SCARA3: variants seen among roughly 807,000 people sequenced by gnomAD.
SCARA3 encodes the protein scavenger receptor class A member 3.
Under a neutral mutation model 47.0 loss-of-function variants are expected in SCARA3, and 39 were observed. That is an observed-to-expected ratio of 0.83 (90% CI 0.64 to 1.08). SCARA3 has a LOEUF of 1.08. SCARA3 is among the 50% of genes least tolerant of loss of function. The pLI is 0.00. For missense variants in SCARA3, 724 were observed against 792.3 expected, an observed-to-expected ratio of 0.91 and a Z score of 1.04; for synonymous variants, 356 against 334.1, an observed-to-expected ratio of 1.07 and a Z score of -0.71.
chr8:27,718,454 A>G, the SCARA3 span, among the ~76,000 whole-genome samples: 111 of 152,346 alleles, frequency 7.3e-4, 5 homozygotes, highest in East Asian at 0.017. Flanking sequence ...ATGGGTTTCA[A>G]ATGAATTTGG....
chr8:27,671,512 G>A lies in SCARA3; in HGVS notation c.*161G>A. 2 of 1,288,568 alleles carry A rather than the reference G, an allele frequency of 1.6e-6. No individual in the cohort carries two copies. The highest frequency in any genetic ancestry group is 2.0e-6 in the Non-Finnish European group (2 of 1,023,318). The allele number at this position is 1,288,568 out of a possible 1,614,324, so 79.8% of individuals were successfully genotyped here. A position where few individuals can be genotyped will look rare whatever the true frequency, so the allele number is the denominator to read the frequency against. On this transcript the variant is annotated 3_prime_UTR_variant, in exon 6 of 6. Transcript: ENST00000301904. ...AGCTTTGGGCTCCCCCATAGTGACT[G>A]TGCCATAGGAAAGCAGCCCCTCCTC...
Position 27,659,520 on chromosome 8 carries a change from C to G in SCARA3, c.1350C>G (p.Arg450=). Reference sequence around the variant, plus strand: ...ACACACAGCATGGAGAAATCCTTCGCAATGTCACCATCCTACGAGGTAAGA... The same window carrying G: ...ACACACAGCATGGAGAAATCCTTCGGAATGTCACCATCCTACGAGGTAAGA... ...AVDTQHGEIL[R]NVTILRGAPG... The change falls in exon 5 of 6, where the codon CGC becomes CGG. Residue 450 remains arginine, a synonymous_variant. Coordinates refer to ENST00000301904, the MANE Select transcript of SCARA3 (RefSeq NM_016240.3). The G allele has an allele frequency of 3.1e-6, 5 of 1,609,424 alleles. No homozygotes were observed. Among genetic ancestry groups the G allele is most frequent in the Non-Finnish European group, 4.2e-6 (5 of 1,176,934 alleles).
At chr8:27,710,367 G>A in the SCARA3 span, among the ~76,000 whole-genome samples, 3 of 151,864 alleles carry the variant, frequency 2.0e-5, no homozygotes, top group African/African-American at 7.3e-5. Context: ...CAACAATATT[G>A]CCATACATTC....
intron 5 of SCARA3, among the ~76,000 whole-genome samples, chr8:27,670,158 C>T (rs1256953896): frequency 1.3e-5 from 2 of 152,158 alleles, no homozygotes; most frequent in African/African-American, 4.8e-5. Context: ...TGGTGAATCA[C>T]CCCCTTCAAG....
At chr8:27,690,726 C>T in the SCARA3 span, among the ~76,000 whole-genome samples, 9 of 152,138 alleles carry the variant, frequency 5.9e-5, no homozygotes, top group South Asian at 4.1e-4. Context: ...GACAGGGTCT[C>T]GTTCTGTCAC....
intron 5 of SCARA3, among the ~76,000 whole-genome samples, chr8:27,669,921 C>A: frequency 6.6e-6 from 1 of 152,148 alleles, no homozygotes; most frequent in East Asian, 1.9e-4. Context: ...TCCCAGCATG[C>A]AGAATCCCTT....
At chr8:27,638,922 G>A (rs1047079745) in intron 1 of SCARA3, among the ~76,000 whole-genome samples, 2 of 152,132 alleles carry the variant, frequency 1.3e-5, no homozygotes, top group Non-Finnish European at 2.9e-5. Context: ...CCACAGACAG[G>A]CTCCTGGTTC....
At position 27,671,748 on chromosome 8, in the gene SCARA3, G is replaced by T. The variant is rs1802171045; in HGVS notation, c.*397G>T. 9 of 1,013,706 alleles carry T rather than the reference G, an allele frequency of 8.9e-6. No individual in the cohort carries two copies. Among genetic ancestry groups the T allele is most frequent in the Non-Finnish European group, 1.1e-5 (9 of 848,926 alleles). 62.8% of individuals were successfully genotyped at this position (1,013,706 alleles called of 1,614,324 possible). On this transcript the variant is annotated 3_prime_UTR_variant, in exon 6 of 6. Transcript: ENST00000301904. ...TGCACACACACATGCACACATATAT[G>T]CACAGGCACACACATGTACGCACAC...
intron 1 of SCARA3, among the ~76,000 whole-genome samples, chr8:27,648,676 G>A (rs929980691): frequency 6.6e-6 from 1 of 151,882 alleles, no homozygotes; most frequent in African/African-American, 2.4e-5. Context: ...AAATATTCTC[G>A]GGCTATAAAA....
At position 27,658,535 on chromosome 8, in the gene SCARA3, C is replaced by A. The variant is rs1398019414; in HGVS notation, c.365C>A (p.Ala122Asp). 1 of 1,612,630 alleles carries A rather than the reference C, an allele frequency of 6.2e-7. No individual in the cohort carries two copies. The highest frequency in any genetic ancestry group is 1.3e-5 in the African/African-American group (1 of 74,896). Reference protein sequence around the residue: ...ALNNCSFCHEAGQLGPEIRKL... With the variant: ...ALNNCSFCHEDGQLGPEIRKL... The stretch of plus-strand genomic sequence containing the variant: ...AACAACTGCTCTTTCTGCCATGAAG[C>A]TGGGCAGCTGGGGCCAGAGATCCGA... Residue 122 changes from alanine to aspartate, a missense_variant, in exon 5 of 6, where the codon GCT becomes GAT. Transcript: ENST00000301904.
the SCARA3 span, among the ~76,000 whole-genome samples, chr8:27,726,810 C>T: frequency 3.3e-5 from 5 of 151,968 alleles, no homozygotes; most frequent in East Asian, 3.9e-4. Flanking sequence ...TTTTGAGATG[C>T]GGTCTCACTC....
At chr8:27,647,456 G>A (rs1255735167) in intron 1 of SCARA3, among the ~76,000 whole-genome samples, 2 of 152,190 alleles carry the variant, frequency 1.3e-5, no homozygotes. Context: ...CCACAGGCAG[G>A]CATAGAACTG....
chr8:27,646,582 C>T (rs1313861445), intron 1 of SCARA3, among the ~76,000 whole-genome samples: 3 of 152,180 alleles, frequency 2.0e-5, no homozygotes, highest in Admixed American at 1.3e-4. Context: ...AAGGAGGCAG[C>T]TCTGCTCTAA....
At chr8:27,635,152 C>G (rs1347845817) in intron 1 of SCARA3, among the ~76,000 whole-genome samples, 2 of 152,186 alleles carry the variant, frequency 1.3e-5, no homozygotes, top group Non-Finnish European at 2.9e-5. Flanking sequence ...ACCACACTCT[C>G]AGGTGCCACT....
At chr8:27,701,597 CTTTT>C in the SCARA3 span, 2 of 150,590 alleles carry the variant, frequency 1.3e-5, no homozygotes, top group Admixed American at 1.3e-4. Context: ...CTCTTTCTTT[CTTTT>C]CTTTCTTTCT....
chr8:27,655,443 C>T (rs1801722917), intron 3 of SCARA3, among the ~76,000 whole-genome samples: 1 of 152,190 alleles, frequency 6.6e-6, no homozygotes, highest in Non-Finnish European at 1.5e-5. Context: ...AGCCAGGCGT[C>T]CTGCTGCTGC....
the SCARA3 span, among the ~76,000 whole-genome samples, chr8:27,694,525 C>T: frequency 6.6e-6 from 1 of 151,936 alleles, no homozygotes; most frequent in African/African-American, 2.4e-5. Context: ...CATATTTTAT[C>T]CTATTTTAAT....
chr8:27,633,938 G>T lies in SCARA3; in HGVS notation c.-263G>T, dbSNP rs1374173896. ...GGCCCCAGCGGGAAGCGCGGGCGGC[G>T]GCGGGATGCGCGCTCTGGGCGGCGG... is the stretch of plus-strand genomic sequence containing the variant. On this transcript the variant is annotated 5_prime_UTR_variant, in exon 1 of 6. Transcript: ENST00000301904. 2 of 165,398 alleles carry T rather than the reference G, an allele frequency of 1.2e-5. No homozygotes were observed. The highest frequency in any genetic ancestry group is 1.7e-4 in the South Asian group (1 of 5,748). The allele number at this position is 165,398 out of a possible 1,614,324, so 10.2% of individuals were successfully genotyped here.
chr8:27,690,754 G>T, the SCARA3 span, among the ~76,000 whole-genome samples: 5 of 152,062 alleles, frequency 3.3e-5, no homozygotes, highest in African/African-American at 1.2e-4. Flanking sequence ...GTAGTGCAGT[G>T]GCAAGATCAT....
Sources: allele counts gnomAD v4.1 joint callset (sites outside exome capture counted in the v4.1 genomes callset), GRCh38; gene constraint gnomAD v4.1.1; transcripts MANE v1.5; gene names NCBI Gene and HGNC (gene_info 2026-07-23, HGNC 2026-07-21).